Variants in KIAA1328 observed in about 807,000 individuals in gnomAD.
KIAA1328 encodes the protein KIAA1328.
In KIAA1328, 52 loss-of-function variants were observed where a neutral mutation model predicts 68.1. The observed-to-expected ratio is 0.76, with a 90% CI of 0.61 to 0.96. The LOEUF (loss-of-function observed/expected upper bound fraction) is 0.96. Among genes scored for constraint, KIAA1328 ranks in the 40% least tolerant of loss-of-function variants. The probability of loss-of-function intolerance (pLI) is 0.00; values close to 1 mark genes in which losing one functional copy is unlikely to be tolerated. For synonymous variants in KIAA1328, 232 were observed against 239.4 expected, an observed-to-expected ratio of 0.97 and a Z score of 0.28; for missense variants, 641 against 677.6, an observed-to-expected ratio of 0.95 and a Z score of 0.60.
chr18:37,074,593 G>A (rs1334779559), intron 7 of KIAA1328, among the ~76,000 whole-genome samples: 1 of 152,086 alleles, frequency 6.6e-6, no homozygotes, highest in Non-Finnish European at 1.5e-5. Context: ...ATCGGCTCCT[G>A]AGGCTTCTGC....
chr18:36,964,593 T>G (rs1464181358), intron 6 of KIAA1328, among the ~76,000 whole-genome samples: 1 of 152,178 alleles, frequency 6.6e-6, no homozygotes, highest in African/African-American at 2.4e-5. Context: ...TGATTTTTTT[T>G]CTTGTTTTCT....
In KIAA1328 at chr18:37,035,288, A is replaced by T. The variant is rs533747799; in HGVS notation, c.577-31602A>T. The stretch of plus-strand genomic sequence containing the variant: ...ATGTGTTCCCCAGTCCAGCAGCATC[A>T]GCATCACCTGGGCACTTTTGAAAAA... On this transcript the variant is annotated intron_variant, in intron 6 of 9. Transcript: ENST00000280020. 2.0e-5 allele frequency among the ~76,000 whole-genome samples: 3 copies of T among 152,350 alleles called. No individual in the cohort carries two copies. The South Asian group carries it at 6.2e-4, about 32-fold the overall frequency.
chr18:37,029,408 G>C (rs554810128), intron 6 of KIAA1328, among the ~76,000 whole-genome samples: 8 of 152,060 alleles, frequency 5.3e-5, no homozygotes, highest in African/African-American at 1.9e-4. Context: ...AGGTCTCACT[G>C]TGTCGCCCAG....
At chr18:37,163,024 CAG>C (rs1418614501) in intron 8 of KIAA1328, among the ~76,000 whole-genome samples, 1 of 152,142 alleles carries the variant, frequency 6.6e-6, no homozygotes, top group Admixed American at 6.6e-5. Flanking sequence ...CAATGTCAAA[CAG>C]GGAGATAATA....
In KIAA1328 at chr18:37,225,134, C is replaced by T; in HGVS notation, c.*2907C>T. On this transcript the variant is annotated 3_prime_UTR_variant, in exon 10 of 10. Transcript: ENST00000280020. Reference sequence around the variant, plus strand: ...CCGGCACCAAGTTCATAATAGAGATCTTCTGGCCAGAGAATCAGGGGAGAG... The same window carrying T: ...CCGGCACCAAGTTCATAATAGAGATTTTCTGGCCAGAGAATCAGGGGAGAG... 1 of 983,616 alleles carries T rather than the reference C, an allele frequency of 1.0e-6. No homozygotes were observed. The highest frequency in any genetic ancestry group is 1.2e-6 in the Non-Finnish European group (1 of 828,990). The allele number at this position is 983,616 out of a possible 1,614,324, so 60.9% of individuals were successfully genotyped here.
intron 5 of KIAA1328, among the ~76,000 whole-genome samples, chr18:36,911,403 C>T (rs532754677): frequency 9.2e-5 from 14 of 152,168 alleles, no homozygotes; most frequent in South Asian, 6.2e-4. Flanking sequence ...CTTAGCTTTC[C>T]GAGGCAGGAG....
chr18:37,203,825 T>C (rs972541311), intron 9 of KIAA1328, among the ~76,000 whole-genome samples: 7 of 151,970 alleles, frequency 4.6e-5, no homozygotes, highest in African/African-American at 1.7e-4. Context: ...TTTTTTTTTT[T>C]TTGAGACGGA....
chr18:37,222,125 C>A lies in KIAA1328; in HGVS notation c.1632C>A (p.Phe544Leu). Residue 544 changes from phenylalanine to leucine, a missense_variant, in exon 10 of 10, where the codon TTC (phenylalanine) becomes TTA (leucine). Physicochemically the swap from Phe to Leu is conservative, Grantham distance 22. Transcript: ENST00000280020. ...CTGGGGCCTGGAATCATGGTACTTT[C>A]CGACTCAGTCCTCTAAAATCAACCC... ...REAGAWNHGT[F>L]RLSPLKSTRK... The A allele has an allele frequency of 6.2e-7, 1 of 1,612,402 alleles. No individual in the cohort carries two copies. Among genetic ancestry groups the A allele is most frequent in the Non-Finnish European group, 8.5e-7 (1 of 1,179,230 alleles).
intron 5 of KIAA1328, among the ~76,000 whole-genome samples, chr18:36,892,065 G>A (rs1285935294): frequency 6.6e-6 from 1 of 152,072 alleles, no homozygotes; most frequent in Non-Finnish European, 1.5e-5. Context: ...CCAAAGCTTT[G>A]TATTTAACTA....
At position 36,885,756 on chromosome 18, in the gene KIAA1328, C is replaced by T. The variant is rs540817715; in HGVS notation, c.448+84C>T. The T allele has an allele frequency of 3.3e-5, 29 of 885,758 alleles. No homozygotes were observed. The East Asian group carries it at 5.3e-4, about 16-fold the overall frequency. 54.9% of individuals were successfully genotyped at this position (885,758 alleles called of 1,614,324 possible). On this transcript the variant is annotated intron_variant, in intron 5 of 9. Transcript: ENST00000280020. ...TTTTGAGACGAAATCTCGCTCTTGT[C>T]GCCTAGGCTGCAGTGCAATGGTGCG... is the stretch of plus-strand genomic sequence containing the variant.
At chr18:37,113,479 G>C (rs1411717948) in intron 7 of KIAA1328, among the ~76,000 whole-genome samples, 1 of 152,144 alleles carries the variant, frequency 6.6e-6, no homozygotes, top group Non-Finnish European at 1.5e-5. Flanking sequence ...GTCACTACCA[G>C]ACTTGCCTTA....
At chr18:36,895,627 T>C in intron 5 of KIAA1328, 1 of 373,184 alleles carries the variant, frequency 2.7e-6, no homozygotes, top group Non-Finnish European at 5.4e-6. Flanking sequence ...TTGCCTGCTA[T>C]TCTGGGCTTA....
chr18:37,053,409 CTTGGATA>C, intron 6 of KIAA1328, among the ~76,000 whole-genome samples: 1 of 152,176 alleles, frequency 6.6e-6, no homozygotes, highest in East Asian at 1.9e-4. Context: ...GAAAAACACA[CTTGGATA>C]TTGGCCTAAG....
intron 5 of KIAA1328, among the ~76,000 whole-genome samples, chr18:36,955,179 T>A (rs1418331278): frequency 6.6e-6 from 1 of 151,416 alleles, no homozygotes; most frequent in Non-Finnish European, 1.5e-5. Flanking sequence ...TCACCCAGGC[T>A]AGAGTGCAAT....
At chr18:37,066,833 G>A (rs1478874307) in intron 6 of KIAA1328, 57 bp from the exon 7 acceptor site, 12 of 1,435,402 alleles carry the variant, frequency 8.4e-6, no homozygotes, top group South Asian at 1.5e-5. Flanking sequence ...AAAACCAAAC[G>A]AAAGAACTTG....
At chr18:37,211,274 C>T in intron 9 of KIAA1328, among the ~76,000 whole-genome samples, 1 of 152,216 alleles carries the variant, frequency 6.6e-6, no homozygotes, top group East Asian at 1.9e-4. Context: ...CACTCACTTG[C>T]TCTGTGACTC....
At chr18:37,043,299 CTCTTT>C (rs1405550343) in intron 6 of KIAA1328, among the ~76,000 whole-genome samples, 2 of 152,112 alleles carry the variant, frequency 1.3e-5, no homozygotes, top group Admixed American at 6.6e-5. Context: ...GTATGGGTCA[CTCTTT>C]TCTGTTTCTT....
At chr18:37,146,364 A>C (rs961882601) in intron 7 of KIAA1328, among the ~76,000 whole-genome samples, 5 of 152,160 alleles carry the variant, frequency 3.3e-5, no homozygotes, top group Non-Finnish European at 7.3e-5. Context: ...TTCCTGCATT[A>C]GGTTGCTAAG....
chr18:37,221,354 G>A (rs182440891), intron 9 of KIAA1328, among the ~76,000 whole-genome samples: 1 of 152,270 alleles, frequency 6.6e-6, no homozygotes, highest in East Asian at 1.9e-4. Flanking sequence ...CTGGAGTTTT[G>A]CTAGCCTCTT....
Sources: gnomAD v4.1 joint callset for allele counts (sites outside exome capture counted in the v4.1 genomes callset) on GRCh38, gnomAD v4.1.1 for gene constraint, MANE v1.5 for transcripts, NCBI Gene and HGNC (gene_info 2026-07-23, HGNC 2026-07-21) for gene names.